The following PLCXD3 variants were observed in gnomAD, a reference collection of about 807,000 sequenced individuals.
The protein encoded by PLCXD3 is PI-PLC X domain-containing protein 3.
In PLCXD3, 19 loss-of-function variants were observed where a neutral mutation model predicts 25.5. The observed-to-expected ratio is 0.75, with a 90% CI of 0.52 to 1.09. The LOEUF (loss-of-function observed/expected upper bound fraction) is 1.09, where lower values mean the gene tolerates loss of function less well. Among genes scored for constraint, PLCXD3 ranks in the 50% least tolerant of loss-of-function variants. The probability of loss-of-function intolerance (pLI) is 0.00; values close to 1 mark genes in which losing one functional copy is unlikely to be tolerated. For synonymous variants in PLCXD3, 174 were observed against 137.6 expected (o/e 1.26, Z -1.85); for missense variants, 411 against 388.1 (o/e 1.06, Z -0.50).
chr5:41,463,140 A>G (rs1203694407), intron 1 of PLCXD3, among the ~76,000 whole-genome samples: 1 of 152,048 alleles, frequency 6.6e-6, no homozygotes, highest in Non-Finnish European at 1.5e-5. Context: ...AATCAATTGT[A>G]TACAACAGGG....
intron 2 of PLCXD3, among the ~76,000 whole-genome samples, chr5:41,315,459 C>T (rs1580292982): frequency 1.3e-5 from 2 of 150,822 alleles, no homozygotes; most frequent in South Asian, 4.2e-4. Context: ...AAATATATAA[C>T]AACTGAATTG....
At chr5:41,417,598 C>A (rs1372667721) in intron 1 of PLCXD3, among the ~76,000 whole-genome samples, 1 of 152,222 alleles carries the variant, frequency 6.6e-6, no homozygotes, top group East Asian at 1.9e-4. Flanking sequence ...AATCCTGGAA[C>A]AGAATAACAC....
At chr5:41,373,455 T>C (rs184331271) in intron 2 of PLCXD3, among the ~76,000 whole-genome samples, 9 of 152,292 alleles carry the variant, frequency 5.9e-5, no homozygotes, top group Admixed American at 5.2e-4. Context: ...CATAGATTCT[T>C]CTGTAAACTG....
At chr5:41,342,724 A>G (rs1390054069) in intron 2 of PLCXD3, among the ~76,000 whole-genome samples, 1 of 152,192 alleles carries the variant, frequency 6.6e-6, no homozygotes, top group East Asian at 1.9e-4. Flanking sequence ...AAACAGAAGC[A>G]AAATCTCCAA....
At chr5:41,400,860 T>C (rs1054035333) in intron 1 of PLCXD3, among the ~76,000 whole-genome samples, 1 of 152,096 alleles carries the variant, frequency 6.6e-6, no homozygotes, top group Non-Finnish European at 1.5e-5. Flanking sequence ...GGATTGTTTG[T>C]AACTCAAAGG....
At chr5:41,340,480 C>G (rs115443373) in intron 2 of PLCXD3, among the ~76,000 whole-genome samples, 6 of 152,138 alleles carry the variant, frequency 3.9e-5, no homozygotes, top group Admixed American at 2.6e-4. Context: ...CCACTCCACA[C>G]TGGAAATTTT....
rs1749040059 is a variant in PLCXD3 at position 41,505,698 on chromosome 5, G to GCAA, written c.103+4725_103+4726insTTG. Among the ~76,000 whole-genome samples, 3 of 152,316 alleles carry GCAA rather than the reference G, an allele frequency of 2.0e-5. No individual in the cohort carries two copies. The South Asian group carries it at 6.2e-4, about 32-fold the overall frequency. On this transcript the variant is annotated intron_variant, in intron 1 of 2. Coordinates refer to ENST00000377801, the MANE Select transcript of PLCXD3 (RefSeq NM_001005473.3). ...TATCGATGGCCAATAAGAAGCAGCA[G>GCAA]GACTTTAAGGAAATGAGGGGAAAGG...
At position 41,376,779 on chromosome 5, in the gene PLCXD3, A is replaced by T. The variant is rs537913666; in HGVS notation, c.812+5047T>A. On this transcript the variant is annotated intron_variant, in intron 2 of 2. Coordinates refer to ENST00000377801, the MANE Select transcript of PLCXD3 (RefSeq NM_001005473.3). Reference sequence around the variant, plus strand: ...TGCATGTTCTTGTCTTTTCAAACCCACTTGATGCTTGATGGGAACAATGGC... The same window carrying T: ...TGCATGTTCTTGTCTTTTCAAACCCTCTTGATGCTTGATGGGAACAATGGC... 2.0e-5 allele frequency among the ~76,000 whole-genome samples: 3 copies of T among 152,136 alleles called. No homozygotes were observed. In the South Asian group the frequency reaches 6.2e-4, roughly 32 times the overall value.
intron 1 of PLCXD3, among the ~76,000 whole-genome samples, chr5:41,478,936 T>C (rs1748336939): frequency 6.6e-6 from 1 of 152,094 alleles, no homozygotes; most frequent in African/African-American, 2.4e-5. Flanking sequence ...CAAACAGATC[T>C]CGTGAGAACT....
intron 1 of PLCXD3, among the ~76,000 whole-genome samples, chr5:41,446,176 C>CATAAAAAAAAAAAA (rs1747494931): frequency 2.6e-5 from 1 of 38,110 alleles, no homozygotes; most frequent in African/African-American, 7.9e-5. Flanking sequence ...GACTCCTTCT[C>CATAAAAAAAAAAAA]AAAAAAAAAA....
At chr5:41,488,952 T>G (rs1748584455) in intron 1 of PLCXD3, among the ~76,000 whole-genome samples, 1 of 152,014 alleles carries the variant, frequency 6.6e-6, no homozygotes, top group African/African-American at 2.4e-5. Context: ...CATTTGTCAA[T>G]TTTGTCTTTT....
chr5:41,489,318 T>C (rs548206934), intron 1 of PLCXD3, among the ~76,000 whole-genome samples: 120 of 152,248 alleles, frequency 7.9e-4, no homozygotes, highest in Middle Eastern at 3.4e-3. Context: ...TACCATGCTG[T>C]TTTGGTTACT....
At chr5:41,467,528 C>T (rs561285385) in intron 1 of PLCXD3, among the ~76,000 whole-genome samples, 1 of 152,164 alleles carries the variant, frequency 6.6e-6, no homozygotes, top group South Asian at 2.1e-4. Flanking sequence ...TATTTGTTTC[C>T]TCTGCTGTGC....
rs1016544780 is a variant in PLCXD3 at position 41,307,333 on chromosome 5, G to A, written c.*6284C>T. The A allele has an allele frequency of 6.0e-4, 91 of 152,692 alleles. No homozygotes were observed. Among genetic ancestry groups the A allele is most frequent in the African/African-American group, 2.1e-3 (88 of 41,566 alleles). 9.5% of individuals were successfully genotyped at this position (152,692 alleles called of 1,614,324 possible). On this transcript the variant is annotated 3_prime_UTR_variant, in exon 3 of 3. Transcript: ENST00000377801. ...AGGAGAGGAGGTAGCTACTGAAAAT[G>A]TTTCAAAATTCCATCTGCATTCAGT...
intron 1 of PLCXD3, among the ~76,000 whole-genome samples, chr5:41,463,916 T>C (rs952137070): frequency 6.6e-6 from 1 of 152,090 alleles, no homozygotes; most frequent in East Asian, 1.9e-4. Flanking sequence ...GTCTCCTACA[T>C]CCTTGGGAGC....
In PLCXD3 at chr5:41,309,790, G is replaced by A. The variant is rs1324610257; in HGVS notation, c.*3827C>T. ...TGAAGTGAAATTGAGAATTTAGATA[G>A]ACTGTTCGTGCCAGGCATTTTCTAT... is the stretch of plus-strand genomic sequence containing the variant. On this transcript the variant is annotated 3_prime_UTR_variant, in exon 3 of 3. Coordinates refer to ENST00000377801, the MANE Select transcript of PLCXD3 (RefSeq NM_001005473.3). The A allele has an allele frequency of 6.6e-6, 1 of 152,128 alleles. No individual in the cohort carries two copies. The highest frequency in any genetic ancestry group is 1.5e-5 in the Non-Finnish European group (1 of 68,012). 9.4% of individuals were successfully genotyped at this position (152,128 alleles called of 1,614,324 possible).
At chr5:41,446,025 A>G (rs907745962) in intron 1 of PLCXD3, among the ~76,000 whole-genome samples, 31 of 149,420 alleles carry the variant, frequency 2.1e-4, no homozygotes, top group African/African-American at 7.5e-4. Flanking sequence ...GTGTCTACTA[A>G]AAATACAAAA....
intron 1 of PLCXD3, among the ~76,000 whole-genome samples, chr5:41,503,713 A>T (rs1749000155): frequency 6.6e-6 from 1 of 152,230 alleles, no homozygotes; most frequent in African/African-American, 2.4e-5. Context: ...TGATATAGAC[A>T]ATTTTTTGGT....
At chr5:41,378,930 G>A (rs185219605) in intron 2 of PLCXD3, among the ~76,000 whole-genome samples, 2 of 152,144 alleles carry the variant, frequency 1.3e-5, no homozygotes, top group South Asian at 2.1e-4. Context: ...ATTTATCCTT[G>A]AGTAAATTCT....
Sources: gnomAD v4.1 joint callset for allele counts (sites outside exome capture counted in the v4.1 genomes callset) on GRCh38, gnomAD v4.1.1 for gene constraint, MANE v1.5 for transcripts, NCBI Gene and HGNC (gene_info 2026-07-23, HGNC 2026-07-21) for gene names.